SCN10A: variants seen among roughly 807,000 people sequenced by gnomAD.
SCN10A encodes the protein sodium channel protein type 10 subunit alpha.
Under a neutral mutation model 170.7 loss-of-function variants are expected in SCN10A, and 162 were observed. That is an observed-to-expected ratio of 0.95 (90% CI 0.84 to 1.08). The LOEUF (loss-of-function observed/expected upper bound fraction) is 1.08. Among genes scored for constraint, SCN10A ranks in the 50% least tolerant of loss-of-function variants. The pLI, the probability that SCN10A is intolerant of heterozygous loss-of-function variation, is 0.00. For synonymous variants in SCN10A, 985 were observed against 904.6 expected (o/e 1.09, Z -1.59); for missense variants, 2,527 against 2,436.9 (o/e 1.04, Z -0.78).
At chr3:38,765,973 A>AT (rs2063928158) in intron 5 of SCN10A, among the ~76,000 whole-genome samples, 1 of 126,068 alleles carries the variant, frequency 7.9e-6, no homozygotes, top group African/African-American at 2.8e-5. Context: ...TTTTGTTTTT[A>AT]TTTTTGTTTT....
At chr3:38,756,300 GT>G (rs961470166) in intron 10 of SCN10A, among the ~76,000 whole-genome samples, 1 of 147,792 alleles carries the variant, frequency 6.8e-6, no homozygotes, top group Non-Finnish European at 1.5e-5. Context: ...TATGGGGAGG[GT>G]AAAAAAAAAA....
chr3:38,761,730 T>A (rs903027487), intron 6 of SCN10A, among the ~76,000 whole-genome samples: 2 of 152,046 alleles, frequency 1.3e-5, no homozygotes, highest in South Asian at 2.1e-4. Context: ...GCTACTAACT[T>A]CACCCCAGTA....
At chr3:38,745,255 TCTC>T (rs1003011411) in intron 13 of SCN10A, among the ~76,000 whole-genome samples, 9 of 152,010 alleles carry the variant, frequency 5.9e-5, no homozygotes, top group African/African-American at 1.9e-4. Context: ...CTCAAAAGGA[TCTC>T]CTATATAAAA....
chr3:38,728,958 A>G (rs2063487684), intron 15 of SCN10A, 57 bp from the exon 16 acceptor site: 2 of 1,530,856 alleles, frequency 1.3e-6, no homozygotes, highest in South Asian at 1.3e-5. Flanking sequence ...CCTTTCATCT[A>G]AAGTTTTGCC....
In SCN10A at chr3:38,762,851, A is replaced by G. The variant is rs376680141; in HGVS notation, c.691+654T>C. Among the ~76,000 whole-genome samples, 15 of 152,304 alleles carry G rather than the reference A, an allele frequency of 9.8e-5. No homozygotes were observed. The East Asian group carries it at 2.5e-3, about 25-fold the overall frequency. On this transcript the variant is annotated intron_variant, in intron 6 of 27. Transcript: ENST00000449082. ...TTCTTGGGGTGAGAGGAGAGAACCT[A>G]TCAGGCCACAGAGGGGAAGCATCAA...
rs187593401 is a variant in SCN10A at position 38,781,737 on chromosome 3, T to C, written c.470+7219A>G. 3.3e-5 allele frequency among the ~76,000 whole-genome samples: 5 copies of C among 152,282 alleles called. No homozygotes were observed. The East Asian group carries it at 9.7e-4, about 29-fold the overall frequency. The stretch of plus-strand genomic sequence containing the variant: ...TTGTAATGGTTCCTACTTTGATTAA[T>C]AAAGATGTGTTTGAGCCTAGTTATA... On this transcript the variant is annotated intron_variant, in intron 4 of 27. Transcript: ENST00000449082.
At chr3:38,729,027 T>G (rs2063488246) in intron 15 of SCN10A, 126 bp from the exon 16 acceptor site, 1 of 1,174,114 alleles carries the variant, frequency 8.5e-7, no homozygotes, top group African/African-American at 1.5e-5. Context: ...CCAGGGCGTT[T>G]TCTGGACACT....
chr3:38,722,510 T>A (rs2063402390), intron 19 of SCN10A, 98 bp from the exon 20 acceptor site: 1 of 1,411,386 alleles, frequency 7.1e-7, no homozygotes, highest in Non-Finnish European at 9.7e-7. Context: ...GGAAACCCAC[T>A]TGTCATGCCC....
chr3:38,757,296 G>A, intron 8 of SCN10A, 137 bp from the exon 9 acceptor site: 4 of 830,510 alleles, frequency 4.8e-6, no homozygotes, highest in Non-Finnish European at 5.5e-6. Context: ...GATGATCTTG[G>A]ACACTTGGTC....
In SCN10A at chr3:38,750,120, G is replaced by A; in HGVS notation, c.1820C>T (p.Ala607Val). Residue 607 changes from alanine (A) to valine (V), a missense_variant, in exon 13 of 28, where the codon GCC (alanine) becomes GTC (valine). Physicochemically the swap from Ala to Val is moderately conservative, Grantham distance 64. Transcript: ENST00000449082. ...SAEYLDEPFR[A>V]QRAMSVVSII... ...ACTGACAACACTCATTGCCCTTTGGGCCCGGAAAGGTTCATCTAAGTATTC... is the reference window on the plus strand; with the variant it reads ...ACTGACAACACTCATTGCCCTTTGGACCCGGAAAGGTTCATCTAAGTATTC... 1 of 1,613,146 alleles carries A rather than the reference G, an allele frequency of 6.2e-7. No individual in the cohort carries two copies. The highest frequency in any genetic ancestry group is 8.5e-7 in the Non-Finnish European group (1 of 1,179,392).
chr3:38,761,069 T>C (rs1169265353), intron 7 of SCN10A, 123 bp downstream of exon 7: 13 of 773,996 alleles, frequency 1.7e-5, no homozygotes, highest in Non-Finnish European at 2.7e-5. Flanking sequence ...AGAACCATTT[T>C]GGCAGGAAAG....
At chr3:38,737,833 T>TTTCTTTCTTTCTTTCC (rs201474854) in intron 15 of SCN10A, among the ~76,000 whole-genome samples, 14 of 39,598 alleles carry the variant, frequency 3.5e-4, no homozygotes, top group Non-Finnish European at 5.0e-4. Context: ...TCTTTCTTTC[T>TTTCTTTCTTTCTTTCC]CTTTCTTCTT....
intron 27 of SCN10A, among the ~76,000 whole-genome samples, chr3:38,699,490 C>G (rs2063135128): frequency 6.6e-6 from 1 of 152,150 alleles, no homozygotes; most frequent in Non-Finnish European, 1.5e-5. Context: ...AGGGATGTAG[C>G]AGCAAGCTCT....
At position 38,728,578 on chromosome 3, in the gene SCN10A, G is replaced by A; in HGVS notation, c.2604C>T (p.Ile868=). ...MEVGQKSICL[I]LFLTVMVLGN... ...CTAGCACCATCACCGTCAAGAAAAG[G>A]ATGAGGCATATGGATTTTTGGCCAA... The change falls in exon 16 of 28, where the codon ATC becomes ATT. Residue 868 remains isoleucine, a synonymous_variant. Transcript: ENST00000449082. 1 of 1,606,686 alleles carries A rather than the reference G, an allele frequency of 6.2e-7. No individual in the cohort carries two copies. The highest frequency in any genetic ancestry group is 1.1e-5 in the South Asian group (1 of 90,242).
chr3:38,706,135 A>T (rs2063208797), intron 26 of SCN10A, among the ~76,000 whole-genome samples: 1 of 152,196 alleles, frequency 6.6e-6, no homozygotes, highest in Admixed American at 6.5e-5. Context: ...ACTAGTAATA[A>T]ATTCATGACC....
At chr3:38,749,512 G>C (rs1575997789) in intron 13 of SCN10A, among the ~76,000 whole-genome samples, 1 of 152,156 alleles carries the variant, frequency 6.6e-6, no homozygotes, top group Non-Finnish European at 1.5e-5. Flanking sequence ...ATACATTGCT[G>C]GGGAGACTGA....
Position 38,763,576 on chromosome 3 carries a change from T to C in SCN10A, c.620A>G (p.Asp207Gly), listed in dbSNP as rs964407975. 1 of 1,613,844 alleles carries C rather than the reference T, an allele frequency of 6.2e-7. No individual in the cohort carries two copies. The highest frequency in any genetic ancestry group is 1.3e-5 in the African/African-American group (1 of 74,904). ...ITLAYVGTAI[D>G]LRGISGLRTF... ...CCGCAGGCCTGAGATCCCACGGAGATCTATTGCTGTGCCAACATATCTGTA... is the reference window on the plus strand; with the variant it reads ...CCGCAGGCCTGAGATCCCACGGAGACCTATTGCTGTGCCAACATATCTGTA... The change falls in exon 6 of 28, where the codon GAT becomes GGT. Residue 207 changes from aspartate to glycine, a missense_variant. Transcript: ENST00000449082.
At chr3:38,730,265 C>T (rs1401495010) in intron 15 of SCN10A, among the ~76,000 whole-genome samples, 6 of 152,242 alleles carry the variant, frequency 3.9e-5, no homozygotes, top group African/African-American at 7.2e-5. Context: ...GGAAAATTGA[C>T]GCTGAGCATT....
chr3:38,769,586 T>A (rs2063975330), intron 5 of SCN10A, among the ~76,000 whole-genome samples: 1 of 152,172 alleles, frequency 6.6e-6, no homozygotes, highest in Non-Finnish European at 1.5e-5. Context: ...TTAGTTTGGA[T>A]CCATTGTTGG....
Sources: gnomAD v4.1 joint callset for allele counts (sites outside exome capture counted in the v4.1 genomes callset) on GRCh38, gnomAD v4.1.1 for gene constraint, MANE v1.5 for transcripts, NCBI Gene and HGNC (gene_info 2026-07-23, HGNC 2026-07-21) for gene names.